The following FAR2 variants were observed in gnomAD, a reference collection of about 807,000 sequenced individuals.
FAR2 encodes the protein epididymis secretory protein Li 81.
Under a neutral mutation model 56.0 loss-of-function variants are expected in FAR2, and 19 were observed. The observed-to-expected ratio is 0.34, with a 90% CI of 0.24 to 0.50. The LOEUF is 0.50. Among genes scored for constraint, FAR2 ranks in the 20% least tolerant of loss-of-function variants. FAR2 has a pLI of 0.98. For missense variants in FAR2, 508 were observed against 642.2 expected, an observed-to-expected ratio of 0.79 and a Z score of 2.26; for synonymous variants, 219 against 218.8, an observed-to-expected ratio of 1.00 and a Z score of -0.01.
chr12:29,168,220 G>A (rs1005220300), intron 1 of FAR2, among the ~76,000 whole-genome samples: 5 of 152,148 alleles, frequency 3.3e-5, no homozygotes, highest in African/African-American at 1.2e-4. Flanking sequence ...CCATAAAAGG[G>A]AAGCCTGCAA....
intron 1 of FAR2, among the ~76,000 whole-genome samples, chr12:29,178,734 T>A (rs1353521117): frequency 1.3e-5 from 2 of 152,250 alleles, no homozygotes; most frequent in Admixed American, 1.3e-4. Flanking sequence ...AGAAACTACA[T>A]TAGAGAACTT....
chr12:29,326,842 C>T (rs546819665), intron 10 of FAR2, among the ~76,000 whole-genome samples: 195 of 152,172 alleles, frequency 1.3e-3, no homozygotes, highest in African/African-American at 4.6e-3. Flanking sequence ...AAAACTGGCA[C>T]AAGACAGGGA....
chr12:29,153,436 G>A lies in FAR2; in HGVS notation c.-39+4029G>A, dbSNP rs557261590. Among the ~76,000 whole-genome samples the A allele has an allele frequency of 8.3e-4, 126 of 152,348 alleles. 1 individual carries two copies. The highest frequency in any genetic ancestry group is 2.9e-3 in the African/African-American group (119 of 41,582). On this transcript the variant is annotated intron_variant, in intron 1 of 11. Coordinates refer to ENST00000536681, the MANE Select transcript of FAR2 (RefSeq NM_001271783.2). Reference sequence around the variant, plus strand: ...ACGCTTGCAGCATTCAGGGGACAGAGAGAAGGCAGGCCTTGTGACTGCACT... The same window carrying A: ...ACGCTTGCAGCATTCAGGGGACAGAAAGAAGGCAGGCCTTGTGACTGCACT...
At chr12:29,223,496 T>C (rs1947723009) in intron 1 of FAR2, among the ~76,000 whole-genome samples, 1 of 152,184 alleles carries the variant, frequency 6.6e-6, no homozygotes, top group Non-Finnish European at 1.5e-5. Flanking sequence ...ATCGAATGAA[T>C]TAACAAAAGG....
chr12:29,327,638 A>G (rs1328277671), intron 10 of FAR2, among the ~76,000 whole-genome samples: 1 of 152,244 alleles, frequency 6.6e-6, no homozygotes, highest in African/African-American at 2.4e-5. Flanking sequence ...AACCTGACAA[A>G]AACAAGAAAT....
At chr12:29,186,992 G>C (rs958058452) in intron 1 of FAR2, among the ~76,000 whole-genome samples, 1 of 152,026 alleles carries the variant, frequency 6.6e-6, no homozygotes, top group Non-Finnish European at 1.5e-5. Context: ...GTTTCACCGT[G>C]TTAGCCAGGA....
At chr12:29,304,143 A>C (rs1452060177) in intron 4 of FAR2, among the ~76,000 whole-genome samples, 8 of 152,144 alleles carry the variant, frequency 5.3e-5, no homozygotes, top group Non-Finnish European at 1.2e-4. Flanking sequence ...TCCTGCTCTA[A>C]AAGATAACCC....
chr12:29,304,245 C>A, intron 4 of FAR2, among the ~76,000 whole-genome samples: 1 of 152,194 alleles, frequency 6.6e-6, no homozygotes, highest in East Asian at 1.9e-4. Context: ...CTTCCCAAAA[C>A]CTTACATAGT....
At chr12:29,320,447 C>T (rs2136809953) in intron 9 of FAR2, among the ~76,000 whole-genome samples, 1 of 152,244 alleles carries the variant, frequency 6.6e-6, no homozygotes, top group South Asian at 2.1e-4. Flanking sequence ...ATGATGTCTA[C>T]CTCATGCCTA....
chr12:29,278,967 A>G (rs184840276), intron 2 of FAR2, among the ~76,000 whole-genome samples: 68 of 152,344 alleles, frequency 4.5e-4, no homozygotes, highest in African/African-American at 1.4e-3. Context: ...TGAATTGAAG[A>G]CAACTAATTG....
chr12:29,189,546 A>G (rs1950081580), intron 1 of FAR2, among the ~76,000 whole-genome samples: 1 of 152,138 alleles, frequency 6.6e-6, no homozygotes, highest in Non-Finnish European at 1.5e-5. Context: ...TTGTGCCCTG[A>G]GTGTTCTAAT....
At chr12:29,332,518 C>G in intron 10 of FAR2, 82 bp from the exon 11 acceptor site, 1 of 1,579,938 alleles carries the variant, frequency 6.3e-7, no homozygotes. Flanking sequence ...GGTCACTCGT[C>G]TATGTAGAAG....
intron 1 of FAR2, among the ~76,000 whole-genome samples, chr12:29,229,401 A>T (rs1273828904): frequency 2.6e-5 from 4 of 152,220 alleles, no homozygotes; most frequent in Admixed American, 2.0e-4. Context: ...AATTTAAAGA[A>T]AATAAAATGA....
intron 1 of FAR2, among the ~76,000 whole-genome samples, chr12:29,183,009 C>A (rs1172436101): frequency 6.6e-6 from 1 of 151,530 alleles, no homozygotes; most frequent in Non-Finnish European, 1.5e-5. Context: ...TCCTGTTCCT[C>A]CATCACTCCA....
intron 1 of FAR2, among the ~76,000 whole-genome samples, chr12:29,190,887 G>T (rs553777462): frequency 6.6e-5 from 10 of 152,292 alleles, no homozygotes; most frequent in African/African-American, 2.4e-4. Context: ...CTGCTTTGGG[G>T]AGGCAACTGG....
intron 7 of FAR2, 40 bp from the exon 8 acceptor site, chr12:29,311,843 T>C (rs2136791048): frequency 7.2e-7 from 1 of 1,380,318 alleles, no homozygotes; most frequent in Non-Finnish European, 1.0e-6. Context: ...ATTAGTTTTC[T>C]ATTTTGTTGT....
At chr12:29,314,730 T>A (rs969150437) in intron 8 of FAR2, among the ~76,000 whole-genome samples, 1 of 151,986 alleles carries the variant, frequency 6.6e-6, no homozygotes, top group Non-Finnish European at 1.5e-5. Flanking sequence ...TCATAAACTG[T>A]CCACACCTCC....
intron 1 of FAR2, among the ~76,000 whole-genome samples, chr12:29,179,375 AG>A (rs1949971604): frequency 1.3e-5 from 2 of 152,170 alleles, no homozygotes; most frequent in African/African-American, 2.4e-5. Context: ...TGGGCTAGGT[AG>A]TTCAGAGATT....
intron 1 of FAR2, among the ~76,000 whole-genome samples, chr12:29,167,486 C>T (rs922707399): frequency 2.6e-5 from 4 of 152,170 alleles, no homozygotes; most frequent in African/African-American, 4.8e-5. Flanking sequence ...CACTTATTTT[C>T]GTTCTCTCCT....
Sources: allele counts gnomAD v4.1 joint callset (sites outside exome capture counted in the v4.1 genomes callset), GRCh38; gene constraint gnomAD v4.1.1; transcripts MANE v1.5; gene names NCBI Gene and HGNC (gene_info 2026-07-23, HGNC 2026-07-21).